Variants in TANK observed in about 807,000 individuals in gnomAD.
TANK encodes TRAF family member-associated NF-kappa-B activator.
Under a neutral mutation model 43.6 loss-of-function variants are expected in TANK, and 15 were observed. The ratio of observed to expected loss-of-function variants is 0.34; its 90% CI spans 0.23 to 0.53. TANK has a LOEUF of 0.53. TANK is among the 20% of genes least tolerant of loss of function. The pLI is 0.94. For synonymous variants in TANK, 162 were observed against 178.2 expected, an observed-to-expected ratio of 0.91 and a Z score of 0.73; for missense variants, 417 against 498.6, an observed-to-expected ratio of 0.84 and a Z score of 1.56.
At chr2:161,212,463 A>G (rs1686936314) in intron 4 of TANK, 2 of 984,702 alleles carry the variant, frequency 2.0e-6, no homozygotes, top group South Asian at 9.4e-5. Flanking sequence ...CTAAATTATT[A>G]ATTAATCCTA....
Position 161,185,870 on chromosome 2 carries a change from AT to A in TANK, c.99+6110del, listed in dbSNP as rs372594678. On this transcript the variant is annotated intron_variant, in intron 2 of 7. Transcript: ENST00000392749. Reference sequence around the variant, plus strand: ...TAAAACTTAAAGTATAATAAAAAAAATAATAATAATTCATGCCTTTTTACAA... The same window carrying A: ...TAAAACTTAAAGTATAATAAAAAAAAAATAATAATTCATGCCTTTTTACAA... Among the ~76,000 whole-genome samples, 228 of 152,060 alleles carry A rather than the reference AT, an allele frequency of 1.5e-3. 1 individual carries two copies. The highest frequency in any genetic ancestry group is 6.6e-3 in the South Asian group (32 of 4,828).
intron 1 of TANK, chr2:161,161,471 G>A (rs570888933): frequency 5.0e-5 from 77 of 1,543,750 alleles, no homozygotes; most frequent in Middle Eastern, 3.4e-4. Flanking sequence ...ATTTGAGAGA[G>A]GAGGGATCCT....
intron 2 of TANK, among the ~76,000 whole-genome samples, chr2:161,182,809 T>G (rs1685489303): frequency 6.6e-6 from 1 of 152,156 alleles, no homozygotes; most frequent in African/African-American, 2.4e-5. Context: ...TTCTTCTTGG[T>G]CATTCTGTGC....
intron 1 of TANK, among the ~76,000 whole-genome samples, chr2:161,144,639 AATTT>A (rs1683851838): frequency 1.3e-5 from 2 of 152,102 alleles, no homozygotes; most frequent in Non-Finnish European, 2.9e-5. Flanking sequence ...CCTGATTTCT[AATTT>A]GATTGCACTC....
intron 3 of TANK, 136 bp from the exon 4 acceptor site, chr2:161,204,539 C>T: frequency 1.3e-6 from 1 of 746,752 alleles, no homozygotes; most frequent in Middle Eastern, 4.1e-4. Flanking sequence ...GTAACTATTA[C>T]CTAAAGAATT....
chr2:161,146,970 CT>C (rs937015340), intron 1 of TANK, among the ~76,000 whole-genome samples: 2 of 152,144 alleles, frequency 1.3e-5, no homozygotes, highest in African/African-American at 4.8e-5. Context: ...ACCCCTCCCC[CT>C]AGGGGCTCAG....
intron 1 of TANK, chr2:161,162,541 T>C (rs893975092): frequency 8.5e-5 from 13 of 152,266 alleles, no homozygotes; most frequent in African/African-American, 3.1e-4. Flanking sequence ...AGTGAATTGC[T>C]GGCTTCCCCA....
intron 1 of TANK, among the ~76,000 whole-genome samples, chr2:161,175,412 A>G (rs1053694453): frequency 6.6e-6 from 1 of 152,162 alleles, no homozygotes; most frequent in Non-Finnish European, 1.5e-5. Flanking sequence ...TTAATATGTA[A>G]TAGGAAATGA....
chr2:161,158,174 T>C (rs1684275324), upstream of TANK, among the ~76,000 whole-genome samples: 1 of 152,224 alleles, frequency 6.6e-6, no homozygotes, highest in African/African-American at 2.4e-5. Flanking sequence ...GCACCACACC[T>C]GGTCAGTTCC....
At chr2:161,156,727 T>A (rs1211633345), upstream of TANK, among the ~76,000 whole-genome samples, 1 of 152,240 alleles carries the variant, frequency 6.6e-6, no homozygotes, top group East Asian at 1.9e-4. Context: ...AACAGCTAAC[T>A]TTTTGGTTTG....
At position 161,160,500 on chromosome 2, in the gene TANK, T is replaced by C; in HGVS notation, c.-50+14T>C. On this transcript the variant is annotated intron_variant, in intron 1 of 7. Coordinates refer to ENST00000392749, the MANE Select transcript of TANK (RefSeq NM_001199135.3). ...AGCGTGAACTGTGTGAGTAAGAAAC[T>C]TTGTGAATTGGTGTGTCCGAATCCG... 1 of 1,256,672 alleles carries C rather than the reference T, an allele frequency of 8.0e-7. No individual in the cohort carries two copies. Among genetic ancestry groups the C allele is most frequent in the Non-Finnish European group, 1.0e-6 (1 of 999,240 alleles). The allele number at this position is 1,256,672 out of a possible 1,614,324, so 77.8% of individuals were successfully genotyped here. A position where few individuals can be genotyped will look rare whatever the true frequency, so the allele number is the denominator to read the frequency against.
At chr2:161,182,083 G>C (rs1025435003) in intron 2 of TANK, among the ~76,000 whole-genome samples, 2 of 151,418 alleles carry the variant, frequency 1.3e-5, no homozygotes, top group African/African-American at 4.9e-5. Context: ...TTAGAATTTG[G>C]ATTTTTTTTT....
chr2:161,211,999 A>G (rs1265471766), intron 4 of TANK: 2 of 922,020 alleles, frequency 2.2e-6, no homozygotes, highest in African/African-American at 3.6e-5. Flanking sequence ...AAAGGAAAAT[A>G]ACTATCTTCA....
chr2:161,201,917 C>T (rs1686431250), intron 2 of TANK, among the ~76,000 whole-genome samples: 1 of 152,182 alleles, frequency 6.6e-6, no homozygotes, highest in Non-Finnish European at 1.5e-5. Flanking sequence ...TTCTTCTGTT[C>T]ACAATAATAA....
chr2:161,231,625 C>G, intron 7 of TANK, 74 bp downstream of exon 7: 1 of 1,324,660 alleles, frequency 7.5e-7, no homozygotes, highest in Non-Finnish European at 1.1e-6. Flanking sequence ...AGATATGCAT[C>G]TCTTTTACGT....
rs75574226 is a variant in TANK at position 161,186,590 on chromosome 2, A to G, written c.99+6829A>G. On this transcript the variant is annotated intron_variant, in intron 2 of 7. Coordinates refer to ENST00000392749, the MANE Select transcript of TANK (RefSeq NM_001199135.3). The stretch of plus-strand genomic sequence containing the variant: ...TAAGACCTGAAACTATGAAACTACT[A>G]GAAGAAAACATTGGGGAAATGCTTT... 2.5e-3 allele frequency among the ~76,000 whole-genome samples: 379 copies of G among 152,326 alleles called. 1 individual carries two copies. The highest frequency in any genetic ancestry group is 4.0e-3 in the Non-Finnish European group (274 of 68,030).
At chr2:161,194,104 C>T (rs1686039548) in intron 2 of TANK, among the ~76,000 whole-genome samples, 1 of 152,038 alleles carries the variant, frequency 6.6e-6, no homozygotes, top group South Asian at 2.1e-4. Context: ...GACCATCTTT[C>T]CAAGAGTAGA....
At chr2:161,187,170 A>C (rs1685698917) in intron 2 of TANK, among the ~76,000 whole-genome samples, 1 of 152,152 alleles carries the variant, frequency 6.6e-6, no homozygotes, top group African/African-American at 2.4e-5. Context: ...TCACACCTGT[A>C]ATCCCATCAC....
At chr2:161,208,074 G>A (rs976671940) in intron 4 of TANK, 1 of 868,100 alleles carries the variant, frequency 1.2e-6, no homozygotes, top group Non-Finnish European at 1.4e-6. Flanking sequence ...CTTCTGTTTG[G>A]TGGGTGGTTT....
Sources: allele counts gnomAD v4.1 joint callset (sites outside exome capture counted in the v4.1 genomes callset), GRCh38; gene constraint gnomAD v4.1.1; transcripts MANE v1.5; gene names NCBI Gene and HGNC (gene_info 2026-07-23, HGNC 2026-07-21).